RAP1GAP2: variants seen among roughly 807,000 people sequenced by gnomAD.
The protein encoded by RAP1GAP2 is RAP1 GTPase activating protein 2.
A neutral mutation model predicts 95.0 loss-of-function variants in RAP1GAP2; 27 were observed. That is an observed-to-expected ratio of 0.28 (90% CI 0.21 to 0.39). RAP1GAP2 has a LOEUF of 0.39. Ranked by LOEUF, RAP1GAP2 falls within the 10% of genes least tolerant of loss-of-function variation. The pLI, the probability that RAP1GAP2 is intolerant of heterozygous loss-of-function variation, is 1.00. For synonymous variants in RAP1GAP2, 373 were observed against 380.9 expected (o/e 0.98, Z 0.24); for missense variants, 771 against 970.0 (o/e 0.79, Z 2.72).
chr17:2,836,936 G>A (rs1023561080), intron 2 of RAP1GAP2, among the ~76,000 whole-genome samples: 11 of 152,084 alleles, frequency 7.2e-5, no homozygotes, highest in African/African-American at 2.4e-4. Flanking sequence ...TGAAGCAATC[G>A]TAGTGGATTG....
chr17:2,909,171 C>T (rs1047514349), intron 3 of RAP1GAP2, among the ~76,000 whole-genome samples: 11 of 151,966 alleles, frequency 7.2e-5, no homozygotes, highest in Non-Finnish European at 1.2e-4. Context: ...GTTCCTGAGG[C>T]GGCACCTCGA....
intron 3 of RAP1GAP2, among the ~76,000 whole-genome samples, chr17:2,950,918 A>G (rs575852989): frequency 1.2e-3 from 177 of 152,006 alleles, no homozygotes; most frequent in Non-Finnish European, 2.1e-3. Flanking sequence ...GCCTGCTTCA[A>G]TTTTCAGGTG....
chr17:2,921,926 C>T (rs2042795281), intron 3 of RAP1GAP2, among the ~76,000 whole-genome samples: 1 of 152,192 alleles, frequency 6.6e-6, no homozygotes, highest in South Asian at 2.1e-4. Flanking sequence ...CTCTGTGTGT[C>T]TCTTTTAAGG....
chr17:2,964,847 T>G (rs1289110441), intron 7 of RAP1GAP2: 1 of 152,616 alleles, frequency 6.6e-6, no homozygotes, highest in African/African-American at 2.4e-5. Flanking sequence ...AGGTTCTTGA[T>G]GTACTGAGGG....
chr17:3,013,627 CTTTTCTT>C lies in RAP1GAP2; in HGVS notation c.1495-4429_1495-4423del, dbSNP rs1181670357. Among the ~76,000 whole-genome samples the C allele has an allele frequency of 4.9e-4, 39 of 78,928 alleles. 1 individual carries two copies. The highest frequency in any genetic ancestry group is 3.4e-3 in the Admixed American group (20 of 5,908). 51.8% of individuals were successfully genotyped at this position (78,928 alleles called of 152,430 possible). ...AGCCTCTGAGTTTTTCTTTTCTTTTCTTTTCTTTTTTTTTTTTTTTTTTTTTGGTGGG... is the reference window on the plus strand; with the variant it reads ...AGCCTCTGAGTTTTTCTTTTCTTTTCTTTTTTTTTTTTTTTTTTTGGTGGG... On this transcript the variant is annotated intron_variant, in intron 17 of 24. Transcript: ENST00000254695.
chr17:2,945,685 G>A (rs940924444), intron 3 of RAP1GAP2, among the ~76,000 whole-genome samples: 1 of 151,682 alleles, frequency 6.6e-6, no homozygotes, highest in African/African-American at 2.4e-5. Flanking sequence ...ATCATGAAAG[G>A]ATATTAGCTT....
intron 3 of RAP1GAP2, among the ~76,000 whole-genome samples, chr17:2,940,187 G>A (rs888644839): frequency 5.9e-5 from 9 of 152,168 alleles, no homozygotes; most frequent in Admixed American, 2.0e-4. Context: ...CCGAGTGGCT[G>A]TTTGCCTGCC....
chr17:2,930,714 C>G (rs2043114365), intron 3 of RAP1GAP2, among the ~76,000 whole-genome samples: 1 of 152,168 alleles, frequency 6.6e-6, no homozygotes, highest in South Asian at 2.1e-4. Context: ...CTGGGTGCCT[C>G]TTGTGTTACC....
chr17:2,965,404 C>A lies in RAP1GAP2; in HGVS notation c.493-136C>A. ...TCCGGCCGTCGGTACCTGTTAATGT[C>A]GTTGTCATTGTCATCAGTAGCATCC... On this transcript the variant is annotated intron_variant, in intron 7 of 24. Coordinates refer to ENST00000254695, the MANE Select transcript of RAP1GAP2 (RefSeq NM_015085.5). This position sits in a 1 kb window ranked among gnomAD's most constrained non-coding sequence, Gnocchi z 4.7. 2 of 698,344 alleles carry A rather than the reference C, an allele frequency of 2.9e-6. No homozygotes were observed. The highest frequency in any genetic ancestry group is 4.8e-6 in the Non-Finnish European group (2 of 413,264). 43.3% of individuals were successfully genotyped at this position (698,344 alleles called of 1,614,324 possible). A position where few individuals can be genotyped will look rare whatever the true frequency, so the allele number is the denominator to read the frequency against.
Position 3,021,877 on chromosome 17 carries a change from G to A in RAP1GAP2, c.1751+1282G>A, listed in dbSNP as rs187971787. Among the ~76,000 whole-genome samples the A allele has an allele frequency of 8.5e-5, 13 of 152,216 alleles. 1 individual carries two copies. Among genetic ancestry groups the A allele is most frequent in the Admixed American group, 2.6e-4 (4 of 15,298 alleles). On this transcript the variant is annotated intron_variant, in intron 19 of 24. Transcript: ENST00000254695. Reference sequence around the variant, plus strand: ...TATATAAAAAAGATTTTCCTTATCCGCTTATCTGTTGATGGACACTCAGGT... The same window carrying A: ...TATATAAAAAAGATTTTCCTTATCCACTTATCTGTTGATGGACACTCAGGT...
At chr17:3,013,096 G>A (rs1325151423) in intron 17 of RAP1GAP2, among the ~76,000 whole-genome samples, 1 of 152,204 alleles carries the variant, frequency 6.6e-6, no homozygotes, top group Non-Finnish European at 1.5e-5. Context: ...GAGTTGCCAG[G>A]TTCATTTCTC....
chr17:2,875,417 T>C (rs886649823), intron 2 of RAP1GAP2, among the ~76,000 whole-genome samples: 1 of 152,136 alleles, frequency 6.6e-6, no homozygotes, highest in Non-Finnish European at 1.5e-5. Flanking sequence ...TGATATGAAG[T>C]TGTTGGATGG....
intron 2 of RAP1GAP2, among the ~76,000 whole-genome samples, chr17:2,888,411 AC>A (rs1361282173): frequency 1.3e-5 from 2 of 151,520 alleles, no homozygotes; most frequent in African/African-American, 4.9e-5. Context: ...CCTCTCCCTA[AC>A]CCCTCTCTTT....
chr17:2,785,597 C>T (rs920192477), intron 1 of RAP1GAP2, among the ~76,000 whole-genome samples: 3 of 152,210 alleles, frequency 2.0e-5, no homozygotes, highest in Admixed American at 2.0e-4. Context: ...CTCCCAGTCA[C>T]ATTTCCCACG....
At chr17:2,935,105 T>C (rs2151420223) in intron 3 of RAP1GAP2, among the ~76,000 whole-genome samples, 1 of 152,344 alleles carries the variant, frequency 6.6e-6, no homozygotes, top group South Asian at 2.1e-4. Flanking sequence ...ACTATGGGTT[T>C]GCATTGCCTG....
At chr17:2,853,974 G>A in intron 2 of RAP1GAP2, 4 of 983,906 alleles carry the variant, frequency 4.1e-6, no homozygotes, top group Non-Finnish European at 4.8e-6. Context: ...GGGCGAGGTC[G>A]GGCACCGCGG....
chr17:2,888,997 A>G (rs2073598405), intron 2 of RAP1GAP2, among the ~76,000 whole-genome samples: 1 of 151,978 alleles, frequency 6.6e-6, no homozygotes, highest in South Asian at 2.1e-4. Context: ...TTCTGTTTAT[A>G]GACTCAGGTT....
chr17:2,756,748 C>G (rs1296890762), intron 1 of RAP1GAP2, among the ~76,000 whole-genome samples: 3 of 152,102 alleles, frequency 2.0e-5, no homozygotes, highest in Non-Finnish European at 4.4e-5. Flanking sequence ...TTCCCCAGCA[C>G]CTCCCGTGGC....
exon 2 of RAP1GAP2, chr17:2,770,380 C>G: frequency 2.5e-6 from 1 of 398,722 alleles, no homozygotes; most frequent in East Asian, 3.6e-5. Flanking sequence ...TGACAGCCTT[C>G]CAGTGGCTCT....
Sources: allele counts gnomAD v4.1 joint callset (sites outside exome capture counted in the v4.1 genomes callset), GRCh38; gene constraint gnomAD v4.1.1; non-coding constraint Gnocchi (gnomAD v3.1); transcripts MANE v1.5; gene names NCBI Gene and HGNC (gene_info 2026-07-23, HGNC 2026-07-21).